The following ABLIM1 variants were observed in gnomAD, a reference collection of about 807,000 sequenced individuals.
ABLIM1 encodes the protein actin binding LIM protein 1, also known as actin-binding LIM protein 1.
ABLIM1 carries 40 observed loss-of-function variants against 107.0 expected under a neutral mutation model. That is an observed-to-expected ratio of 0.37 (90% confidence interval 0.29 to 0.49). The LOEUF (loss-of-function observed/expected upper bound fraction) is 0.49, where lower values mean the gene tolerates loss of function less well. Ranked by LOEUF, ABLIM1 falls within the 20% of genes least tolerant of loss-of-function variation. ABLIM1 has a pLI of 0.97. For synonymous variants in ABLIM1, 357 were observed against 357.3 expected (o/e 1.00, Z 0.01); for missense variants, 857 against 1,008.5 (o/e 0.85, Z 2.04).
At chr10:114,733,848 AT>A (rs974752220) in intron 1 of ABLIM1, among the ~76,000 whole-genome samples, 33 of 151,088 alleles carry the variant, frequency 2.2e-4, no homozygotes, top group African/African-American at 4.9e-4. Context: ...TTGCAACTTT[AT>A]TTTTTTTTAA....
chr10:114,628,344 T>C (rs1220438892), intron 1 of ABLIM1, among the ~76,000 whole-genome samples: 1 of 152,250 alleles, frequency 6.6e-6, no homozygotes, highest in African/African-American at 2.4e-5. Context: ...GCTGCTGGTA[T>C]GTAGAGGTCA....
At chr10:114,540,171 G>A (rs2066487011) in intron 6 of ABLIM1, among the ~76,000 whole-genome samples, 1 of 152,160 alleles carries the variant, frequency 6.6e-6, no homozygotes, top group South Asian at 2.1e-4. Flanking sequence ...TATGCTGAGT[G>A]TTACGTGCTG....
chr10:114,793,131 G>A, the ABLIM1 span, among the ~76,000 whole-genome samples: 5 of 152,214 alleles, frequency 3.3e-5, no homozygotes, highest in East Asian at 5.8e-4. Flanking sequence ...CAGCCTGGGC[G>A]ACAGAGTGAG....
At chr10:114,785,026 T>C in the ABLIM1 span, among the ~76,000 whole-genome samples, 3 of 152,222 alleles carry the variant, frequency 2.0e-5, no homozygotes, top group Non-Finnish European at 4.4e-5. Flanking sequence ...AGTACCAGAA[T>C]AGAGCAAAGT....
At chr10:114,684,863 A>C in exon 1 of ABLIM1, 1 of 376,146 alleles carries the variant, frequency 2.7e-6, no homozygotes, top group Non-Finnish European at 3.7e-6. Context: ...ATGAATTACT[A>C]TCTCAACCAG....
chr10:114,705,784 A>T (rs2081408233), intron 1 of ABLIM1, among the ~76,000 whole-genome samples: 1 of 152,234 alleles, frequency 6.6e-6, no homozygotes, highest in African/African-American at 2.4e-5. Context: ...CAACAAAGAC[A>T]ACTTCAATAG....
intron 6 of ABLIM1, among the ~76,000 whole-genome samples, chr10:114,510,013 A>G (rs1428726527): frequency 6.6e-6 from 1 of 152,166 alleles, no homozygotes; most frequent in Non-Finnish European, 1.5e-5. Context: ...CTTATTCACT[A>G]CCACGAGAAC....
chr10:114,583,806 T>C (rs956597072), intron 2 of ABLIM1, among the ~76,000 whole-genome samples: 1 of 152,040 alleles, frequency 6.6e-6, no homozygotes, highest in Non-Finnish European at 1.5e-5. Flanking sequence ...AATGAAATCA[T>C]GTCCTCCGTA....
At chr10:114,541,970 G>A (rs2066718883) in intron 6 of ABLIM1, among the ~76,000 whole-genome samples, 1 of 151,950 alleles carries the variant, frequency 6.6e-6, no homozygotes, top group Admixed American at 6.6e-5. Flanking sequence ...TCCCTCCCCA[G>A]CATGTTTTGG....
intron 1 of ABLIM1, among the ~76,000 whole-genome samples, chr10:114,714,919 T>C (rs2081628893): frequency 6.6e-6 from 1 of 152,120 alleles, no homozygotes; most frequent in Admixed American, 6.6e-5. Flanking sequence ...CCTTCTTCTC[T>C]CCCTTGTCCC....
At chr10:114,741,264 C>T (rs563711435) in intron 1 of ABLIM1, among the ~76,000 whole-genome samples, 2 of 93,706 alleles carry the variant, frequency 2.1e-5, no homozygotes, top group African/African-American at 8.4e-5. Context: ...TTCGCTTTGT[C>T]GCCCAGGCTG....
At chr10:114,437,821 TG>T (rs753419656) in intron 22 of ABLIM1, 22 bp downstream of exon 22, 2 of 1,606,118 alleles carry the variant, frequency 1.2e-6, no homozygotes, top group Non-Finnish European at 1.7e-6. Flanking sequence ...CAGTTGGGAC[TG>T]GATTTTTCGG....
rs1159048268 is a variant in ABLIM1, at chr10:114,524,721, T to C, written c.894+20284A>G. Among the ~76,000 whole-genome samples the C allele has an allele frequency of 2.0e-5, 3 of 152,188 alleles. No individual in the cohort carries two copies. The East Asian group carries it at 5.8e-4, about 29-fold the overall frequency. ...ATATCCCCAGAATGCACTTTAGAAT[T>C]CAATTGAAAGAAGTTTGACTACTAT... On this transcript the variant is annotated intron_variant, in intron 6 of 22. Transcript: ENST00000533213.
intron 5 of ABLIM1, among the ~76,000 whole-genome samples, chr10:114,545,307 G>A (rs77344444): frequency 0.031 from 4,709 of 152,118 alleles, 208 homozygotes; most frequent in African/African-American, 0.098. Context: ...TGCGGCTCTC[G>A]GTGCCACACA....
intron 1 of ABLIM1, among the ~76,000 whole-genome samples, chr10:114,754,705 A>C (rs2082591480): frequency 6.6e-6 from 1 of 152,230 alleles, no homozygotes; most frequent in Non-Finnish European, 1.5e-5. Flanking sequence ...CACTTAAATC[A>C]AATGTTCTGA....
At chr10:114,730,224 C>G (rs912010459) in intron 1 of ABLIM1, among the ~76,000 whole-genome samples, 1 of 151,732 alleles carries the variant, frequency 6.6e-6, no homozygotes, top group East Asian at 1.9e-4. Flanking sequence ...ATGGTGAAAC[C>G]CCATCTCTAC....
intron 1 of ABLIM1, chr10:114,768,037 G>T (rs1276236178): frequency 1.2e-5 from 5 of 428,052 alleles, no homozygotes; most frequent in Admixed American, 9.9e-5. Context: ...GTCAGTGGAC[G>T]GTGCCCACCT....
the ABLIM1 span, among the ~76,000 whole-genome samples, chr10:114,781,802 G>A: frequency 6.6e-6 from 1 of 151,858 alleles, no homozygotes; most frequent in Non-Finnish European, 1.5e-5. Flanking sequence ...AAATTTAGAA[G>A]CATATAACAA....
At chr10:114,611,523 G>A (rs190769676) in intron 1 of ABLIM1, among the ~76,000 whole-genome samples, 7 of 150,904 alleles carry the variant, frequency 4.6e-5, no homozygotes, top group Non-Finnish European at 8.8e-5. Context: ...TGCCTTTTCC[G>A]TGGCTACGTG....
Sources: gnomAD v4.1 joint callset for allele counts (sites outside exome capture counted in the v4.1 genomes callset) on GRCh38, gnomAD v4.1.1 for gene constraint, MANE v1.5 for transcripts, NCBI Gene and HGNC (gene_info 2026-07-23, HGNC 2026-07-21) for gene names.